OLFML1: variants seen among roughly 807,000 people sequenced by gnomAD.
OLFML1 encodes olfactomedin like 1.
A neutral mutation model predicts 37.3 loss-of-function variants in OLFML1; 33 were observed. The ratio of observed to expected loss-of-function variants is 0.88; its 90% CI spans 0.67 to 1.18. The LOEUF (loss-of-function observed/expected upper bound fraction) is 1.18. Among genes scored for constraint, OLFML1 ranks in the 50% most tolerant of loss-of-function variants. The pLI, the probability that OLFML1 is intolerant of heterozygous loss-of-function variation, is 0.00. For missense variants in OLFML1, 545 were observed against 483.7 expected (o/e 1.13, Z -1.19); for synonymous variants, 186 against 181.3 (o/e 1.03, Z -0.21).
chr11:7,511,243 G>A lies in OLFML1; in HGVS notation c.*1055G>A, dbSNP rs1367008002. On this transcript the variant is annotated 3_prime_UTR_variant, in exon 3 of 3. Coordinates refer to ENST00000329293, the MANE Select transcript of OLFML1 (RefSeq NM_198474.4). ...AATTCCTCCAGAAAACCAGTCTAAG[G>A]GTGAGGACCCCAACTCTAGCCTCCT... is the stretch of plus-strand genomic sequence containing the variant. 3 of 152,306 alleles carry A rather than the reference G, an allele frequency of 2.0e-5. No homozygotes were observed. In the East Asian group the frequency reaches 5.8e-4, roughly 29 times the overall value. 9.4% of individuals were successfully genotyped at this position (152,306 alleles called of 1,614,324 possible). A position where few individuals can be genotyped will look rare whatever the true frequency, so the allele number is the denominator to read the frequency against.
intron 2 of OLFML1, among the ~76,000 whole-genome samples, chr11:7,497,252 T>C (rs1848673772): frequency 6.6e-6 from 1 of 152,178 alleles, no homozygotes; most frequent in Admixed American, 6.5e-5. Flanking sequence ...ATGTACCAGA[T>C]GATATTCCAG....
Position 7,509,745 on chromosome 11 carries a change from G to A in OLFML1, c.766G>A (p.Val256Ile), listed in dbSNP as rs746049037. The change falls in exon 3 of 3, where the codon GTA becomes ATA. Residue 256 changes from valine (V) to isoleucine (I), a missense_variant. Val to Ile is a conservative substitution (Grantham distance 29). Coordinates refer to ENST00000329293, the MANE Select transcript of OLFML1 (RefSeq NM_198474.4). ...AGATCGAATGCTGCTCCCAGGAGGGGTAGGCCGAGCATTGGTTTACCAGCA... is the reference window on the plus strand; with the variant it reads ...AGATCGAATGCTGCTCCCAGGAGGGATAGGCCGAGCATTGGTTTACCAGCA... ...VEDRMLLPGG[V>I]GRALVYQHSP... 6.2e-7 allele frequency: 1 copy of A among 1,614,234 alleles called. No individual in the cohort carries two copies. The highest frequency in any genetic ancestry group is 8.5e-7 in the Non-Finnish European group (1 of 1,180,036).
intron 2 of OLFML1, among the ~76,000 whole-genome samples, chr11:7,505,301 C>G (rs1304995864): frequency 6.6e-6 from 1 of 152,032 alleles, no homozygotes; most frequent in African/African-American, 2.4e-5. Context: ...GCTCAGTTGT[C>G]CTTTAAAGAC....
intron 2 of OLFML1, 52 bp downstream of exon 2, chr11:7,488,467 AAC>A (rs1182681090): frequency 2.8e-6 from 4 of 1,429,072 alleles, no homozygotes; most frequent in Non-Finnish European, 3.8e-6. Flanking sequence ...TATGCTCAGA[AAC>A]ACACAGACTC....
chr11:7,502,589 A>C (rs1848735542), intron 2 of OLFML1, among the ~76,000 whole-genome samples: 1 of 151,454 alleles, frequency 6.6e-6, no homozygotes. Flanking sequence ...TAACATTATA[A>C]TTTTTCTTTT....
chr11:7,493,282 C>T (rs1848621699), intron 2 of OLFML1, among the ~76,000 whole-genome samples: 2 of 152,146 alleles, frequency 1.3e-5, no homozygotes, highest in Admixed American at 6.5e-5. Flanking sequence ...GGGATCTGTC[C>T]AGGTTTTATA....
chr11:7,509,887 G>A lies in OLFML1; in HGVS notation c.908G>A (p.Gly303Glu), dbSNP rs1014279961. 1 of 1,614,226 alleles carries A rather than the reference G, an allele frequency of 6.2e-7. No homozygotes were observed. Among genetic ancestry groups the A allele is most frequent in the African/African-American group, 1.3e-5 (1 of 75,048 alleles). Reference protein sequence around the residue: ...VLTKIEPGTLGVEHSWDTPCR... With the variant: ...VLTKIEPGTLEVEHSWDTPCR... Reference sequence around the variant, plus strand: ...ACAAAGATTGAGCCGGGCACACTGGGAGTGGAGCATTCATGGGATACCCCA... The same window carrying A: ...ACAAAGATTGAGCCGGGCACACTGGAAGTGGAGCATTCATGGGATACCCCA... The change falls in exon 3 of 3, where the codon GGA (glycine) becomes GAA (glutamate). Residue 303 changes from glycine to glutamate, a missense_variant. Physicochemically the swap from Gly to Glu is moderately conservative, Grantham distance 98. Transcript: ENST00000329293.
intron 2 of OLFML1, among the ~76,000 whole-genome samples, chr11:7,490,107 G>C (rs1040621604): frequency 7.2e-6 from 1 of 139,582 alleles, no homozygotes; most frequent in Non-Finnish European, 1.5e-5. Context: ...TGTCAACACA[G>C]GCAGAGGGGT....
Position 7,510,333 on chromosome 11 carries a change from C to A in OLFML1, c.*145C>A. 1 of 660,190 alleles carries A rather than the reference C, an allele frequency of 1.5e-6. No homozygotes were observed. The highest frequency in any genetic ancestry group is 2.5e-6 in the Non-Finnish European group (1 of 394,898). The allele number at this position is 660,190 out of a possible 1,614,324, so 40.9% of individuals were successfully genotyped here. A position where few individuals can be genotyped will look rare whatever the true frequency, so the allele number is the denominator to read the frequency against. Reference sequence around the variant, plus strand: ...GTGGAAATACGTATGCCTCCTTTCCCAAATGTCACTGCCTTAGGTATCTTC... The same window carrying A: ...GTGGAAATACGTATGCCTCCTTTCCAAAATGTCACTGCCTTAGGTATCTTC... On this transcript the variant is annotated 3_prime_UTR_variant, in exon 3 of 3. Transcript: ENST00000329293.
intron 2 of OLFML1, among the ~76,000 whole-genome samples, chr11:7,495,408 G>A (rs1848650036): frequency 6.6e-6 from 1 of 152,120 alleles, no homozygotes; most frequent in Admixed American, 6.6e-5. Flanking sequence ...TTTGGTTTAA[G>A]TATGAAAGTA....
At chr11:7,489,734 G>A (rs1487357199) in intron 2 of OLFML1, among the ~76,000 whole-genome samples, 1 of 152,134 alleles carries the variant, frequency 6.6e-6, no homozygotes, top group African/African-American at 2.4e-5. Context: ...CTTTCTGACT[G>A]CTAATTAAAA....
At chr11:7,493,987 T>C (rs575818061) in intron 2 of OLFML1, among the ~76,000 whole-genome samples, 15 of 152,100 alleles carry the variant, frequency 9.9e-5, no homozygotes, top group South Asian at 2.1e-4. Flanking sequence ...GAGGGATGCA[T>C]AGGGTGTCAC....
chr11:7,493,405 G>A (rs1430452916), intron 2 of OLFML1, among the ~76,000 whole-genome samples: 2 of 152,222 alleles, frequency 1.3e-5, no homozygotes, highest in Non-Finnish European at 2.9e-5. Context: ...CCATTAGTTT[G>A]TCATGAGTGG....
chr11:7,503,407 A>G (rs1848746170), intron 2 of OLFML1, among the ~76,000 whole-genome samples: 1 of 152,212 alleles, frequency 6.6e-6, no homozygotes, highest in Non-Finnish European at 1.5e-5. Context: ...TTTTGAGGGA[A>G]AGTACTGATC....
chr11:7,508,545 T>C (rs1379781941), intron 2 of OLFML1, among the ~76,000 whole-genome samples: 1 of 152,206 alleles, frequency 6.6e-6, no homozygotes, highest in African/African-American at 2.4e-5. Flanking sequence ...TCCACTTTAC[T>C]CCCTATATTC....
chr11:7,510,419 A>T lies in OLFML1; in HGVS notation c.*231A>T, dbSNP rs1848846848. ...TTCAACAATGTCCATTACTCCCCCA[A>T]ACCTCCTGGCTCTCAAGGATGACCA... On this transcript the variant is annotated 3_prime_UTR_variant, in exon 3 of 3. Transcript: ENST00000329293. 4.2e-6 allele frequency: 2 copies of T among 472,592 alleles called. No homozygotes were observed. Among genetic ancestry groups the T allele is most frequent in the African/African-American group, 3.9e-5 (2 of 51,782 alleles). The allele number at this position is 472,592 out of a possible 1,614,324, so 29.3% of individuals were successfully genotyped here. A position where few individuals can be genotyped will look rare whatever the true frequency, so the allele number is the denominator to read the frequency against.
At chr11:7,493,937 A>G (rs1848632943) in intron 2 of OLFML1, among the ~76,000 whole-genome samples, 1 of 152,152 alleles carries the variant, frequency 6.6e-6, no homozygotes, top group South Asian at 2.1e-4. Flanking sequence ...CCAAGGGGAG[A>G]AGCTGTCCAG....
chr11:7,497,903 C>T (rs1848682178), intron 2 of OLFML1, among the ~76,000 whole-genome samples: 1 of 152,200 alleles, frequency 6.6e-6, no homozygotes, highest in East Asian at 1.9e-4. Context: ...TGCCCCATGG[C>T]TCACTGAATT....
In OLFML1 at chr11:7,510,402, T is replaced by A. The variant is rs185923567; in HGVS notation, c.*214T>A. 7 of 517,562 alleles carry A rather than the reference T, an allele frequency of 1.4e-5. No homozygotes were observed. The highest frequency in any genetic ancestry group is 1.0e-4 in the Admixed American group (3 of 28,744). 32.1% of individuals were successfully genotyped at this position (517,562 alleles called of 1,614,324 possible). On this transcript the variant is annotated 3_prime_UTR_variant, in exon 3 of 3. Coordinates refer to ENST00000329293, the MANE Select transcript of OLFML1 (RefSeq NM_198474.4). ...CATATCATCAGGAAAGTTTCAACAA[T>A]GTCCATTACTCCCCCAAACCTCCTG...
Sources: allele counts gnomAD v4.1 joint callset (sites outside exome capture counted in the v4.1 genomes callset), GRCh38; gene constraint gnomAD v4.1.1; transcripts MANE v1.5; gene names NCBI Gene and HGNC (gene_info 2026-07-23, HGNC 2026-07-21).